The following CNTNAP5 variants were observed in gnomAD, a reference collection of about 807,000 sequenced individuals.
The protein encoded by CNTNAP5 is contactin associated protein family member 5.
A neutral mutation model predicts 150.2 loss-of-function variants in CNTNAP5; 72 were observed. That is an observed-to-expected ratio of 0.48 (90% CI 0.40 to 0.58). CNTNAP5 has a LOEUF of 0.58. Among genes scored for constraint, CNTNAP5 ranks in the 20% least tolerant of loss-of-function variants. The pLI, the probability that CNTNAP5 is intolerant of heterozygous loss-of-function variation, is 0.00. For missense variants in CNTNAP5, 1,636 were observed against 1,626.2 expected, an observed-to-expected ratio of 1.01 and a Z score of -0.10; for synonymous variants, 672 against 619.8, an observed-to-expected ratio of 1.08 and a Z score of -1.25.
At chr2:124,188,040 G>C (rs1333376829) in intron 1 of CNTNAP5, among the ~76,000 whole-genome samples, 1 of 152,172 alleles carries the variant, frequency 6.6e-6, no homozygotes, top group Non-Finnish European at 1.5e-5. Context: ...ATCAGACAAA[G>C]TGTGCTTATT....
chr2:124,390,394 A>G (rs1691079942), intron 3 of CNTNAP5, among the ~76,000 whole-genome samples: 1 of 152,204 alleles, frequency 6.6e-6, no homozygotes, highest in Non-Finnish European at 1.5e-5. Context: ...CCAGCACAGA[A>G]TTATCTACTA....
chr2:124,713,315 TTTC>T (rs1207972612), intron 13 of CNTNAP5, among the ~76,000 whole-genome samples: 31 of 96,754 alleles, frequency 3.2e-4, no homozygotes, highest in Non-Finnish European at 6.3e-4. Context: ...TTTCTCTTTC[TTTC>T]CTTTCTTTCT....
At chr2:124,299,498 T>A (rs1688522104) in intron 3 of CNTNAP5, among the ~76,000 whole-genome samples, 1 of 152,202 alleles carries the variant, frequency 6.6e-6, no homozygotes, top group African/African-American at 2.4e-5. Context: ...TCCATCCATG[T>A]CTCTGCAAAG....
intron 3 of CNTNAP5, among the ~76,000 whole-genome samples, chr2:124,410,242 A>AC (rs1211219009): frequency 6.8e-6 from 1 of 147,728 alleles, no homozygotes; most frequent in Non-Finnish European, 1.5e-5. Context: ...GTCCTGAGTG[A>AC]CCTACAAAGA....
chr2:124,789,793 C>A, intron 17 of CNTNAP5, 109 bp from the exon 18 acceptor site: 1 of 960,928 alleles, frequency 1.0e-6, no homozygotes, highest in Admixed American at 3.0e-5. Context: ...TTAATTTAGA[C>A]CTTCATGACA....
chr2:124,759,402 T>G (rs1266222820), intron 14 of CNTNAP5, among the ~76,000 whole-genome samples: 1 of 147,068 alleles, frequency 6.8e-6, no homozygotes, highest in African/African-American at 2.5e-5. Context: ...TATATATATA[T>G]CTATATATAC....
intron 17 of CNTNAP5, among the ~76,000 whole-genome samples, chr2:124,787,149 G>A (rs933370500): frequency 1.3e-5 from 2 of 152,150 alleles, no homozygotes; most frequent in Non-Finnish European, 2.9e-5. Context: ...AATAGATCTT[G>A]CATTCTTCAC....
At chr2:124,272,205 G>A (rs533976713) in intron 3 of CNTNAP5, among the ~76,000 whole-genome samples, 12 of 152,246 alleles carry the variant, frequency 7.9e-5, no homozygotes, top group African/African-American at 2.9e-4. Flanking sequence ...AAGCAGCAAA[G>A]AAGCTTATTT....
intron 1 of CNTNAP5, among the ~76,000 whole-genome samples, chr2:124,042,092 A>G (rs1297273124): frequency 6.6e-6 from 1 of 152,148 alleles, no homozygotes; most frequent in Admixed American, 6.5e-5. Flanking sequence ...CACTCCTGAC[A>G]TTAGGTGACC....
At chr2:124,607,247 C>CA (rs1432111739) in intron 11 of CNTNAP5, among the ~76,000 whole-genome samples, 1 of 152,040 alleles carries the variant, frequency 6.6e-6, no homozygotes, top group Admixed American at 6.6e-5. Flanking sequence ...CATGCAGCTG[C>CA]AAAAAAGATG....
At chr2:124,723,581 A>G (rs1290693338) in intron 13 of CNTNAP5, among the ~76,000 whole-genome samples, 1 of 152,166 alleles carries the variant, frequency 6.6e-6, no homozygotes, top group African/African-American at 2.4e-5. Context: ...CTGCCTTAAC[A>G]AAATACCATA....
intron 13 of CNTNAP5, among the ~76,000 whole-genome samples, chr2:124,732,377 C>T (rs931130160): frequency 5.3e-5 from 8 of 152,052 alleles, no homozygotes; most frequent in Admixed American, 2.0e-4. Flanking sequence ...TACATTGAAA[C>T]GTAATCACCA....
chr2:124,852,582 AT>A (rs1244677215), intron 19 of CNTNAP5, among the ~76,000 whole-genome samples: 2 of 152,240 alleles, frequency 1.3e-5, no homozygotes, highest in Non-Finnish European at 2.9e-5. Flanking sequence ...GCACTGGAGA[AT>A]CATTAAACAT....
At chr2:124,358,648 T>G (rs1457634516) in intron 3 of CNTNAP5, among the ~76,000 whole-genome samples, 1 of 152,234 alleles carries the variant, frequency 6.6e-6, no homozygotes, top group East Asian at 1.9e-4. Context: ...ATCCCAGGGA[T>G]GAAGCCCACT....
chr2:124,312,544 T>G (rs944693054), intron 3 of CNTNAP5, among the ~76,000 whole-genome samples: 16 of 147,000 alleles, frequency 1.1e-4, no homozygotes, highest in Non-Finnish European at 1.9e-4. Context: ...TTTGTGGGGG[T>G]TTTTTTGTTT....
chr2:124,296,996 T>C (rs562159291), intron 3 of CNTNAP5, among the ~76,000 whole-genome samples: 1 of 152,306 alleles, frequency 6.6e-6, no homozygotes, highest in East Asian at 1.9e-4. Flanking sequence ...GCAGCTCCTT[T>C]GTCTATCACT....
At chr2:124,764,791 T>C (rs1193059606) in intron 16 of CNTNAP5, among the ~76,000 whole-genome samples, 1 of 152,134 alleles carries the variant, frequency 6.6e-6, no homozygotes, top group African/African-American at 2.4e-5. Flanking sequence ...TATATAATCA[T>C]ACTAATGAAA....
chr2:124,567,211 G>A (rs900984824), intron 11 of CNTNAP5, among the ~76,000 whole-genome samples: 4 of 152,112 alleles, frequency 2.6e-5, no homozygotes, highest in South Asian at 2.1e-4. Flanking sequence ...TGGGTGAGGC[G>A]GGCACAATGG....
At chr2:124,070,377 A>C (rs1288290910) in intron 1 of CNTNAP5, among the ~76,000 whole-genome samples, 4 of 148,828 alleles carry the variant, frequency 2.7e-5, no homozygotes, top group Non-Finnish European at 6.0e-5. Flanking sequence ...AATAAAGAGA[A>C]ACAGAGTGGC....
Sources: allele counts gnomAD v4.1 joint callset (sites outside exome capture counted in the v4.1 genomes callset), GRCh38; gene constraint gnomAD v4.1.1; transcripts MANE v1.5; gene names NCBI Gene and HGNC (gene_info 2026-07-23, HGNC 2026-07-21).